Variants in N4BP2L2 observed in about 807,000 individuals in gnomAD.
N4BP2L2 encodes NEDD4-binding protein 2-like 2.
Under a neutral mutation model 56.2 loss-of-function variants are expected in N4BP2L2, and 50 were observed. That is an observed-to-expected ratio of 0.89 (90% CI 0.71 to 1.13). The LOEUF (loss-of-function observed/expected upper bound fraction) is 1.13, where lower values mean the gene tolerates loss of function less well. Among genes scored for constraint, N4BP2L2 ranks in the 50% most tolerant of loss-of-function variants. The pLI is 0.00. For missense variants in N4BP2L2, 689 were observed against 693.8 expected (o/e 0.99, Z 0.08); for synonymous variants, 203 against 223.6 (o/e 0.91, Z 0.82).
chr13:32,437,916 A>G (rs1229612582), intron 8 of N4BP2L2, among the ~76,000 whole-genome samples: 2 of 152,174 alleles, frequency 1.3e-5, no homozygotes, highest in Non-Finnish European at 2.9e-5. Flanking sequence ...CCATCCATAT[A>G]TATCCTTTTT....
intron 3 of N4BP2L2, 107 bp from the exon 4 acceptor site, chr13:32,522,377 A>C: frequency 1.6e-6 from 1 of 611,848 alleles, no homozygotes; most frequent in Non-Finnish European, 2.6e-6. Context: ...ACTTAAAACC[A>C]AAACTGTGCA....
intron 6 of N4BP2L2, among the ~76,000 whole-genome samples, chr13:32,499,259 C>G (rs1044952286): frequency 6.6e-6 from 1 of 152,156 alleles, no homozygotes; most frequent in African/African-American, 2.4e-5. Flanking sequence ...CCCACAGCTA[C>G]GCATTCATGC....
At chr13:32,479,439 G>GT (rs577934197) in intron 6 of N4BP2L2, among the ~76,000 whole-genome samples, 420 of 148,710 alleles carry the variant, frequency 2.8e-3, no homozygotes, top group Middle Eastern at 0.014. Flanking sequence ...AGCTAATCTT[G>GT]TTTTTTTTTG....
intron 6 of N4BP2L2, among the ~76,000 whole-genome samples, chr13:32,490,676 G>A (rs945328072): frequency 2.6e-5 from 4 of 152,106 alleles, no homozygotes; most frequent in East Asian, 3.9e-4. Flanking sequence ...GGGTGGTTTC[G>A]GAGATGAAAC....
intron 6 of N4BP2L2, among the ~76,000 whole-genome samples, chr13:32,481,647 C>T (rs1395691877): frequency 1.3e-5 from 2 of 152,050 alleles, no homozygotes; most frequent in Non-Finnish European, 2.9e-5. Context: ...TGAAAGTAGT[C>T]CATGATTCAA....
chr13:32,509,633 T>C (rs1372520264), downstream of N4BP2L2, among the ~76,000 whole-genome samples: 1 of 152,202 alleles, frequency 6.6e-6, no homozygotes, highest in Admixed American at 6.5e-5. Context: ...TTCCTATAAA[T>C]ACTTCAATTT....
downstream of N4BP2L2, chr13:32,505,757 T>C (rs2090843469): frequency 6.6e-6 from 1 of 152,342 alleles, no homozygotes; most frequent in South Asian, 2.1e-4. Context: ...TTAACATTCA[T>C]ATTTCTACCA....
chr13:32,515,999 A>T (rs1046952484), exon 6 of N4BP2L2: 1 of 152,278 alleles, frequency 6.6e-6, no homozygotes, highest in Non-Finnish European at 1.5e-5. Flanking sequence ...CGGCCTCCCA[A>T]AGTGCTGGGA....
At chr13:32,450,170 G>T (rs2077691629) in intron 6 of N4BP2L2, among the ~76,000 whole-genome samples, 1 of 151,928 alleles carries the variant, frequency 6.6e-6, no homozygotes, top group Non-Finnish European at 1.5e-5. Context: ...AGATTTCAAA[G>T]AATTACTAAT....
At chr13:32,498,471 T>C (rs2089267318) in intron 6 of N4BP2L2, among the ~76,000 whole-genome samples, 2 of 152,078 alleles carry the variant, frequency 1.3e-5, no homozygotes, top group Non-Finnish European at 2.9e-5. Flanking sequence ...CTCAGCCGAA[T>C]AGCTGGGATT....
At chr13:32,469,884 T>C (rs1303859045) in intron 6 of N4BP2L2, among the ~76,000 whole-genome samples, 1 of 152,212 alleles carries the variant, frequency 6.6e-6, no homozygotes, top group Non-Finnish European at 1.5e-5. Flanking sequence ...CAAGTGGAAG[T>C]GTAAAGACTT....
intron 9 of N4BP2L2, among the ~76,000 whole-genome samples, chr13:32,434,004 G>C (rs1246320150): frequency 6.6e-6 from 1 of 151,540 alleles, no homozygotes; most frequent in Non-Finnish European, 1.5e-5. Context: ...AGTATTTAGG[G>C]GAAGGGAATT....
chr13:32,501,544 G>T (rs1228501401), intron 6 of N4BP2L2, among the ~76,000 whole-genome samples: 1 of 152,060 alleles, frequency 6.6e-6, no homozygotes, highest in Non-Finnish European at 1.5e-5. Flanking sequence ...GCCGGGTGCG[G>T]TGGCTCACGC....
At chr13:32,441,046 G>A (rs2076253622) in intron 7 of N4BP2L2, among the ~76,000 whole-genome samples, 1 of 151,856 alleles carries the variant, frequency 6.6e-6, no homozygotes, top group African/African-American at 2.4e-5. Flanking sequence ...GTAGAGGCAT[G>A]TTTTCGTCAT....
rs537499879 is a variant in N4BP2L2, at chr13:32,535,695, C to T, written c.1259+74G>A. 2.0e-6 allele frequency: 3 copies of T among 1,485,776 alleles called. No individual in the cohort carries two copies. The East Asian group carries it at 7.0e-5, about 35-fold the overall frequency. 92.0% of individuals were successfully genotyped at this position (1,485,776 alleles called of 1,614,324 possible). On this transcript the variant is annotated intron_variant, in intron 2 of 5. Transcript: ENST00000267068. ...TTGGGATTACATGCATGAGTCACTG[C>T]AGCCGGCGACAAATATCATTTATAA...
At chr13:32,466,212 A>C (rs1406498569) in intron 6 of N4BP2L2, among the ~76,000 whole-genome samples, 1 of 152,202 alleles carries the variant, frequency 6.6e-6, no homozygotes, top group Non-Finnish European at 1.5e-5. Flanking sequence ...ATTGTAGTGA[A>C]AATAAATGAA....
At chr13:32,537,880 C>T (rs1308554511) in intron 1 of N4BP2L2, among the ~76,000 whole-genome samples, 2 of 152,032 alleles carry the variant, frequency 1.3e-5, no homozygotes, top group East Asian at 1.9e-4. Flanking sequence ...ACCAGCCTGG[C>T]AACATGGCCT....
intron 2 of N4BP2L2, among the ~76,000 whole-genome samples, chr13:32,530,983 C>T (rs2054614855): frequency 6.6e-6 from 1 of 151,574 alleles, no homozygotes; most frequent in South Asian, 2.1e-4. Context: ...TGTGAATGGA[C>T]AGAGGCCAAG....
chr13:32,494,633 G>T (rs1254522910), intron 6 of N4BP2L2, among the ~76,000 whole-genome samples: 1 of 151,964 alleles, frequency 6.6e-6, no homozygotes, highest in Admixed American at 6.6e-5. Context: ...GGGCATGGTG[G>T]TGGGCGCCTG....
Sources: gnomAD v4.1 joint callset for allele counts (sites outside exome capture counted in the v4.1 genomes callset) on GRCh38, gnomAD v4.1.1 for gene constraint, MANE v1.5 for transcripts, NCBI Gene and HGNC (gene_info 2026-07-23, HGNC 2026-07-21) for gene names.